The following CFAP47 variants were observed in gnomAD, a reference collection of about 807,000 sequenced individuals.
The protein encoded by CFAP47 is cilia- and flagella-associated protein 47.
In CFAP47, 29 loss-of-function variants were observed where a neutral mutation model predicts 148.1. The observed-to-expected ratio is 0.20, with a 90% confidence interval of 0.15 to 0.27. The LOEUF (loss-of-function observed/expected upper bound fraction) is 0.27, where lower values mean the gene tolerates loss of function less well. CFAP47 is among the 10% of genes least tolerant of loss of function. CFAP47 has a pLI of 1.00. For synonymous variants in CFAP47, 664 were observed against 577.3 expected, an observed-to-expected ratio of 1.15 and a Z score of -2.15; for missense variants, 1,872 against 1,697.5, an observed-to-expected ratio of 1.10 and a Z score of -1.81.
intron 23 of CFAP47, among the ~76,000 whole-genome samples, chrX:36,034,409 CT>C (rs1937315645): frequency 9.0e-6 from 1 of 111,024 alleles, no homozygotes; most frequent in East Asian, 2.8e-4. Flanking sequence ...TTCCCATACT[CT>C]ATCCTTTGGA....
Position 36,044,549 on chromosome X carries a change from G to A in CFAP47, c.4008-2305G>A, listed in dbSNP as rs137959619. Among the ~76,000 whole-genome samples the A allele has an allele frequency of 5.0e-3, 564 of 112,006 alleles. 4 individuals carry two copies. The highest frequency in any genetic ancestry group is 0.017 in the African/African-American group (511 of 30,841). The stretch of plus-strand genomic sequence containing the variant: ...AAGTTCAAATTTCCACAGATCTCTA[G>A]GGCAAGGGCGACATGCCACCAGTCT... On this transcript the variant is annotated intron_variant, in intron 25 of 63. Transcript: ENST00000378653.
chrX:36,085,482 T>C lies in CFAP47; in HGVS notation c.4860T>C (p.His1620=), dbSNP rs764639676. 5.0e-6 allele frequency: 6 copies of C among 1,207,188 alleles called. No homozygotes were observed. The Admixed American group carries it at 1.3e-4, about 26-fold the overall frequency. ...GTCAATCTTTACCTGTAGATAACCA[T>C]GAAAAAAGGGTAATTCAACTCCATT... is the stretch of plus-strand genomic sequence containing the variant. ...NSSQSLPVDN[H]EKRVIQLHLQ... Residue 1620 remains histidine (H), a synonymous_variant, in exon 30 of 64, where the codon CAT becomes CAC. Coordinates refer to ENST00000378653, the MANE Select transcript of CFAP47 (RefSeq NM_001304548.2).
At chrX:36,350,703 T>G (rs1293421364) in intron 59 of CFAP47, among the ~76,000 whole-genome samples, 1 of 108,910 alleles carries the variant, frequency 9.2e-6, no homozygotes, top group African/African-American at 3.4e-5. Flanking sequence ...TTTTTTTTTT[T>G]GCCTCGGCAT....
intron 45 of CFAP47, among the ~76,000 whole-genome samples, chrX:36,226,697 GA>G: frequency 9.0e-6 from 1 of 111,298 alleles, no homozygotes; most frequent in South Asian, 3.7e-4. Flanking sequence ...TCATGAGTTG[GA>G]AAATGTACAC....
rs1936243976 is a variant in CFAP47, at chrX:35,956,205, AT to A, written c.1410+14del. 2 of 1,171,669 alleles carry A rather than the reference AT, an allele frequency of 1.7e-6. No individual in the cohort carries two copies. The highest frequency in any genetic ancestry group is 2.3e-6 in the Non-Finnish European group (2 of 861,841). ...CTGGAGGGGGTATGGTGGTAAGATA[AT>A]TTTTCTTTGCGTTTACATGGCAGCT... On this transcript the variant is annotated intron_variant, in intron 8 of 63. Transcript: ENST00000378653.
At chrX:35,929,001 C>A (rs1935786131) in intron 2 of CFAP47, among the ~76,000 whole-genome samples, 1 of 110,768 alleles carries the variant, frequency 9.0e-6, no homozygotes, top group Non-Finnish European at 1.9e-5. Flanking sequence ...TTTTTCCATT[C>A]ATCTGTGTAT....
chrX:36,049,488 T>TCACACACACA (rs397895931), intron 26 of CFAP47, among the ~76,000 whole-genome samples: 13 of 92,281 alleles, frequency 1.4e-4, no homozygotes, highest in East Asian at 1.2e-3. Context: ...TTTCTCTCTC[T>TCACACACACA]CACACACACA....
Position 36,182,763 on chromosome X carries a change from A to T in CFAP47, c.6104+3341A>T, listed in dbSNP as rs758815166. ...GCAAGTAAAACAAGAAAATGTTTTT[A>T]AAAAAACTCCATAAATAAACTGGAT... is the stretch of plus-strand genomic sequence containing the variant. On this transcript the variant is annotated intron_variant, in intron 40 of 63. Coordinates refer to ENST00000378653, the MANE Select transcript of CFAP47 (RefSeq NM_001304548.2). 2.2e-4 allele frequency among the ~76,000 whole-genome samples: 25 copies of T among 112,237 alleles called. No individual in the cohort carries two copies. In the South Asian group the frequency reaches 2.9e-3, roughly 13 times the overall value.
chrX:36,131,220 T>A (rs772084563), intron 33 of CFAP47, among the ~76,000 whole-genome samples: 2 of 111,254 alleles, frequency 1.8e-5, no homozygotes, highest in Non-Finnish European at 3.8e-5. Context: ...ATTAAATTTT[T>A]TGAATTTAAA....
chrX:35,929,054 A>G (rs1935786782), intron 2 of CFAP47, among the ~76,000 whole-genome samples: 1 of 111,462 alleles, frequency 9.0e-6, no homozygotes, highest in Non-Finnish European at 1.9e-5. Flanking sequence ...TACCTTTGCT[A>G]TATAGTAATT....
At position 36,178,100 on chromosome X, in the gene CFAP47, A is replaced by C. The variant is rs1157112097; in HGVS notation, c.6027-1245A>C. On this transcript the variant is annotated intron_variant, in intron 39 of 63. Coordinates refer to ENST00000378653, the MANE Select transcript of CFAP47 (RefSeq NM_001304548.2). The stretch of plus-strand genomic sequence containing the variant: ...GCAGAAACTAAAAACCAATTACCAC[A>C]TGTCCTTATTTATAAGTGGGAGCCA... 5.4e-5 allele frequency among the ~76,000 whole-genome samples: 6 copies of C among 111,869 alleles called. No individual in the cohort carries two copies. In the South Asian group the frequency reaches 2.2e-3, roughly 42 times the overall value.
intron 49 of CFAP47, among the ~76,000 whole-genome samples, chrX:36,259,291 G>T (rs1555999621): frequency 9.0e-6 from 1 of 111,029 alleles, no homozygotes; most frequent in Non-Finnish European, 1.9e-5. Context: ...ATCTGTGTGA[G>T]AAACTGGCTT....
intron 37 of CFAP47, among the ~76,000 whole-genome samples, chrX:36,152,802 G>A (rs193032836): frequency 1.5e-4 from 17 of 111,569 alleles, no homozygotes; most frequent in Non-Finnish European, 2.8e-4. Context: ...TGGAGAGAAT[G>A]AAGATTAGTA....
chrX:36,311,147 T>G (rs1941391171), intron 56 of CFAP47, among the ~76,000 whole-genome samples, 158 bp downstream of exon 56: 1 of 111,345 alleles, frequency 9.0e-6, no homozygotes, highest in Non-Finnish European at 1.9e-5. Context: ...AGACGCAGTA[T>G]TTTGGCTGAA....
At chrX:36,175,865 A>C (rs1939667943) in intron 39 of CFAP47, among the ~76,000 whole-genome samples, 1 of 113,548 alleles carries the variant, frequency 8.8e-6, no homozygotes, top group Non-Finnish European at 1.9e-5. Flanking sequence ...TTACCTAAGC[A>C]AGCCTGGGCA....
chrX:36,265,841 T>C (rs1178845313), intron 49 of CFAP47, among the ~76,000 whole-genome samples: 2 of 112,063 alleles, frequency 1.8e-5, no homozygotes, highest in African/African-American at 6.5e-5. Context: ...CTGATGTTCC[T>C]TTATCATTTG....
intron 51 of CFAP47, among the ~76,000 whole-genome samples, chrX:36,295,347 C>T (rs1556006468): frequency 8.9e-6 from 1 of 112,103 alleles, no homozygotes; most frequent in Non-Finnish European, 1.9e-5. Flanking sequence ...GTATTTCAAA[C>T]GTTTTTATAG....
chrX:36,034,320 A>G (rs2146721675), intron 23 of CFAP47, among the ~76,000 whole-genome samples: 1 of 111,142 alleles, frequency 9.0e-6, no homozygotes, highest in South Asian at 3.7e-4. Context: ...ACATCATATA[A>G]AGGAATACAT....
intron 37 of CFAP47, among the ~76,000 whole-genome samples, chrX:36,159,104 A>G (rs1403661976): frequency 8.9e-6 from 1 of 112,163 alleles, no homozygotes; most frequent in Non-Finnish European, 1.9e-5. Flanking sequence ...CAGTGACATG[A>G]CAAAGTATTT....
Sources: allele counts gnomAD v4.1 joint callset (sites outside exome capture counted in the v4.1 genomes callset), GRCh38; gene constraint gnomAD v4.1.1; transcripts MANE v1.5; gene names NCBI Gene and HGNC (gene_info 2026-07-23, HGNC 2026-07-21).